Variants in PHACTR1 observed in about 807,000 individuals in gnomAD.
PHACTR1 encodes phosphatase and actin regulator 1.
PHACTR1 carries 16 observed loss-of-function variants against 69.2 expected under a neutral mutation model. The ratio of observed to expected loss-of-function variants is 0.23; its 90% CI spans 0.16 to 0.35. PHACTR1 has a LOEUF of 0.35. Among genes scored for constraint, PHACTR1 ranks in the 10% least tolerant of loss-of-function variants. The probability of loss-of-function intolerance (pLI) is 1.00; values close to 1 mark genes in which losing one functional copy is unlikely to be tolerated. For missense variants in PHACTR1, 510 were observed against 734.7 expected (o/e 0.69, Z 3.54); for synonymous variants, 312 against 284.5 (o/e 1.10, Z -0.97).
At chr6:12,942,845 T>G (rs1013453310) in intron 4 of PHACTR1, among the ~76,000 whole-genome samples, 7 of 152,114 alleles carry the variant, frequency 4.6e-5, no homozygotes, top group African/African-American at 1.7e-4. Context: ...AGCACACATA[T>G]CCCAAAGCTC....
chr6:12,990,345 G>C (rs1038464195), intron 4 of PHACTR1, among the ~76,000 whole-genome samples: 10 of 152,124 alleles, frequency 6.6e-5, no homozygotes, highest in Admixed American at 6.5e-4. Context: ...GTTGGCCTTG[G>C]GCCCTGTTGA....
chr6:13,025,539 C>T (rs1801556722), intron 4 of PHACTR1, among the ~76,000 whole-genome samples: 1 of 152,154 alleles, frequency 6.6e-6, no homozygotes, highest in African/African-American at 2.4e-5. Flanking sequence ...TAGGGTGGCA[C>T]TTGCATCTCT....
chr6:13,189,609 A>G (rs1010837720), intron 7 of PHACTR1, among the ~76,000 whole-genome samples: 18 of 152,294 alleles, frequency 1.2e-4, no homozygotes, highest in African/African-American at 4.1e-4. Context: ...AAAGTTGCCC[A>G]GGCTGGTCTG....
intron 4 of PHACTR1, among the ~76,000 whole-genome samples, chr6:12,963,806 G>A (rs1244611148): frequency 6.6e-6 from 1 of 152,180 alleles, no homozygotes; most frequent in African/African-American, 2.4e-5. Flanking sequence ...AAGTGCTCTT[G>A]TTGTTATTAG....
chr6:13,192,866 T>A (rs1763791316), intron 7 of PHACTR1, among the ~76,000 whole-genome samples: 2 of 152,218 alleles, frequency 1.3e-5, no homozygotes, highest in Admixed American at 6.5e-5. Context: ...AGGAGTTTGA[T>A]GATCTTTTGC....
Position 12,875,907 on chromosome 6 carries a change from C to T in PHACTR1, c.250+126117C>T, listed in dbSNP as rs115782244. ...GTAAAGAGGAGGACCAGGGGCGCTG[C>T]GTGGAAAAACCAGGAAGGTCTGCTC... On this transcript the variant is annotated intron_variant, in intron 4 of 14. Coordinates refer to ENST00000332995, the MANE Select transcript of PHACTR1 (RefSeq NM_030948.6). Among the ~76,000 whole-genome samples the T allele has an allele frequency of 4.4e-3, 662 of 152,176 alleles. 7 individuals are homozygous for T. Among genetic ancestry groups the T allele is most frequent in the African/African-American group, 0.015 (639 of 41,506 alleles).
intron 5 of PHACTR1, among the ~76,000 whole-genome samples, chr6:13,083,425 C>G (rs373193794): frequency 6.6e-6 from 1 of 150,876 alleles, no homozygotes; most frequent in South Asian, 2.1e-4. Flanking sequence ...CTTGGCAATG[C>G]GGGCTCTTTT....
intron 7 of PHACTR1, among the ~76,000 whole-genome samples, chr6:13,190,552 G>A (rs967791427): frequency 3.9e-5 from 6 of 151,988 alleles, no homozygotes; most frequent in Non-Finnish European, 8.8e-5. Flanking sequence ...TATACTCAAG[G>A]CACTTGGTTA....
At chr6:13,149,405 A>G (rs1422981593) in intron 5 of PHACTR1, among the ~76,000 whole-genome samples, 2 of 151,668 alleles carry the variant, frequency 1.3e-5, no homozygotes, top group Non-Finnish European at 2.9e-5. Flanking sequence ...CCCTTTTCTC[A>G]GAGCATCTCT....
intron 3 of PHACTR1, among the ~76,000 whole-genome samples, chr6:12,741,547 G>C (rs1041858294): frequency 3.9e-5 from 6 of 151,938 alleles, no homozygotes; most frequent in African/African-American, 1.4e-4. Context: ...TCTTGTAGTG[G>C]GACCCTTGTC....
intron 4 of PHACTR1, among the ~76,000 whole-genome samples, chr6:12,949,390 A>G (rs983441140): frequency 3.9e-5 from 6 of 152,190 alleles, no homozygotes; most frequent in Non-Finnish European, 5.9e-5. Context: ...AGGAAAGCCC[A>G]GTAAATAGTA....
chr6:12,820,503 G>A (rs1456337003), intron 4 of PHACTR1, among the ~76,000 whole-genome samples: 1 of 152,100 alleles, frequency 6.6e-6, no homozygotes, highest in Non-Finnish European at 1.5e-5. Flanking sequence ...AATGGTCTAA[G>A]TACAATGAAA....
intron 7 of PHACTR1, among the ~76,000 whole-genome samples, chr6:13,198,318 G>A (rs1445885980): frequency 6.6e-6 from 1 of 152,166 alleles, no homozygotes; most frequent in Admixed American, 6.5e-5. Context: ...GAAGCACGAG[G>A]CCTTGGGGGT....
At chr6:13,257,865 T>C (rs1206350659) in intron 10 of PHACTR1, among the ~76,000 whole-genome samples, 1 of 152,110 alleles carries the variant, frequency 6.6e-6, no homozygotes, top group Non-Finnish European at 1.5e-5. Flanking sequence ...TGGAGAGAGC[T>C]TGTAAAACCA....
intron 4 of PHACTR1, among the ~76,000 whole-genome samples, chr6:12,820,955 C>T (rs1216407084): frequency 2.0e-5 from 3 of 152,042 alleles, no homozygotes; most frequent in Admixed American, 2.0e-4. Context: ...AGAACAATGC[C>T]TTTACTTTTG....
At chr6:13,175,265 C>T (rs1761163351) in intron 6 of PHACTR1, among the ~76,000 whole-genome samples, 1 of 152,242 alleles carries the variant, frequency 6.6e-6, no homozygotes, top group Non-Finnish European at 1.5e-5. Flanking sequence ...TGTGTTAGCT[C>T]ATCTGATATT....
intron 10 of PHACTR1, chr6:13,252,972 C>A: frequency 2.3e-6 from 1 of 429,688 alleles, no homozygotes; most frequent in South Asian, 1.6e-5. Context: ...AGCATGAGAT[C>A]TCATCTGAAC....
In PHACTR1 at chr6:13,227,889, G is replaced by C; in HGVS notation, c.1060G>C (p.Ala354Pro). Residue 354 changes from alanine to proline, a missense_variant, in exon 9 of 15, where the codon GCA (alanine) becomes CCA (proline). This residue lies in a region of PHACTR1 where 419 missense variants were observed against 530.9 expected (regional missense o/e 0.79). Coordinates refer to ENST00000332995, the MANE Select transcript of PHACTR1 (RefSeq NM_030948.6). ...GCACTCGGGTGATGGGGTCACCAAA[G>C]CAGGACCTATGGGCCTTCCAGAAAT... ...GLHSGDGVTK[A>P]GPMGLPEIRQ... is the part of the protein sequence containing the mutation. The C allele has an allele frequency of 6.2e-7, 1 of 1,613,994 alleles. No individual in the cohort carries two copies. Among genetic ancestry groups the C allele is most frequent in the African/African-American group, 1.3e-5 (1 of 75,018 alleles).
chr6:12,777,807 T>C (rs1362329496), intron 4 of PHACTR1, among the ~76,000 whole-genome samples: 1 of 152,122 alleles, frequency 6.6e-6, no homozygotes, highest in East Asian at 1.9e-4. Context: ...AATTTTTCTA[T>C]TTTTAGTAGA....
Sources: allele counts gnomAD v4.1 joint callset (sites outside exome capture counted in the v4.1 genomes callset), GRCh38; gene constraint gnomAD v4.1.1; regional missense constraint gnomAD v4.1.1; transcripts MANE v1.5; gene names NCBI Gene and HGNC (gene_info 2026-07-23, HGNC 2026-07-21).